Variants in GTF2E1 observed in about 807,000 individuals in gnomAD.
GTF2E1 encodes TFIIE alpha subunit.
In GTF2E1, 14 loss-of-function variants were observed where a neutral mutation model predicts 34.9. The ratio of observed to expected loss-of-function variants is 0.40; its 90% CI spans 0.27 to 0.63. GTF2E1 has a LOEUF of 0.63. Ranked by LOEUF, GTF2E1 falls within the 20% of genes least tolerant of loss-of-function variation. The pLI, the probability that GTF2E1 is intolerant of heterozygous loss-of-function variation, is 0.39. For missense variants in GTF2E1, 469 were observed against 557.7 expected, an observed-to-expected ratio of 0.84 and a Z score of 1.60; for synonymous variants, 188 against 192.9, an observed-to-expected ratio of 0.97 and a Z score of 0.21.
At chr3:120,748,039 A>T (rs1269816855) in intron 1 of GTF2E1, among the ~76,000 whole-genome samples, 1 of 151,538 alleles carries the variant, frequency 6.6e-6, no homozygotes, top group Non-Finnish European at 1.5e-5. Flanking sequence ...TTGGCTGCAT[A>T]AATGTCTTCT....
chr3:120,744,843 T>C (rs1709091911), intron 1 of GTF2E1, among the ~76,000 whole-genome samples: 1 of 152,226 alleles, frequency 6.6e-6, no homozygotes, highest in South Asian at 2.1e-4. Context: ...TGAACTCTTA[T>C]GCCAGCCCTG....
intron 4 of GTF2E1, among the ~76,000 whole-genome samples, chr3:120,780,611 T>G (rs1311560242): frequency 6.6e-6 from 1 of 152,106 alleles, no homozygotes; most frequent in East Asian, 1.9e-4. Flanking sequence ...GGCTTTTACC[T>G]TGAGTGAGAT....
Position 120,783,065 on chromosome 3 carries a change from A to G in GTF2E1, c.*1595A>G, listed in dbSNP as rs1709461240. On this transcript the variant is annotated 3_prime_UTR_variant, in exon 5 of 5. Coordinates refer to ENST00000283875, the MANE Select transcript of GTF2E1 (RefSeq NM_005513.3). The stretch of plus-strand genomic sequence containing the variant: ...AATGTTGACAATAAATCTGTTTTAT[A>G]CTGACTGAAGTTTGTTCATTTTAAG... The G allele has an allele frequency of 6.6e-6, 1 of 152,226 alleles. No individual in the cohort carries two copies. Among genetic ancestry groups the G allele is most frequent in the South Asian group, 2.1e-4 (1 of 4,836 alleles). The allele number at this position is 152,226 out of a possible 1,614,324, so 9.4% of individuals were successfully genotyped here. A position where few individuals can be genotyped will look rare whatever the true frequency, so the allele number is the denominator to read the frequency against.
chr3:120,754,424 A>G (rs1226484208), intron 2 of GTF2E1, among the ~76,000 whole-genome samples: 2 of 152,132 alleles, frequency 1.3e-5, no homozygotes, highest in Non-Finnish European at 2.9e-5. Flanking sequence ...TCCTGTTTCT[A>G]TCTAGTGTTC....
At chr3:120,746,022 C>T (rs1255803916) in intron 1 of GTF2E1, among the ~76,000 whole-genome samples, 3 of 152,096 alleles carry the variant, frequency 2.0e-5, no homozygotes, top group African/African-American at 7.2e-5. Flanking sequence ...TTTCTTTTGA[C>T]TGACTTTTAC....
At chr3:120,753,546 G>C (rs1249939452) in intron 2 of GTF2E1, among the ~76,000 whole-genome samples, 1 of 152,142 alleles carries the variant, frequency 6.6e-6, no homozygotes, top group Non-Finnish European at 1.5e-5. Flanking sequence ...AATTGGATTT[G>C]AAGCCTGCTA....
Position 120,781,221 on chromosome 3 carries a change from G to A in GTF2E1, c.1071G>A (p.Glu357=), listed in dbSNP as rs748094687. Residue 357 remains glutamate (E), a synonymous_variant, in exon 5 of 5, where the codon GAG becomes GAA. Coordinates refer to ENST00000283875, the MANE Select transcript of GTF2E1 (RefSeq NM_005513.3). ...TAANGSDSES[E]TSESDDDSPP... ...CCAATGGCAGTGACTCAGAAAGCGA[G>A]ACCAGTGAGTCAGATGATGATTCTC... The A allele has an allele frequency of 6.2e-7, 1 of 1,614,176 alleles. No homozygotes were observed. Among genetic ancestry groups the A allele is most frequent in the South Asian group, 1.1e-5 (1 of 91,078 alleles).
Position 120,781,498 on chromosome 3 carries a change from T to G in GTF2E1, c.*28T>G. The stretch of plus-strand genomic sequence containing the variant: ...TTTCCCTAATTCTTTCTCCTTTCTC[T>G]AATGCTCAGTTCAAAAAGGAATGTC... On this transcript the variant is annotated 3_prime_UTR_variant, in exon 5 of 5. Coordinates refer to ENST00000283875, the MANE Select transcript of GTF2E1 (RefSeq NM_005513.3). 7.1e-6 allele frequency: 11 copies of G among 1,552,336 alleles called. No individual in the cohort carries two copies. The highest frequency in any genetic ancestry group is 9.8e-6 in the Non-Finnish European group (11 of 1,127,368).
intron 2 of GTF2E1, among the ~76,000 whole-genome samples, chr3:120,768,645 A>C (rs546320425): frequency 5.9e-5 from 9 of 152,292 alleles, no homozygotes; most frequent in African/African-American, 1.9e-4. Flanking sequence ...TTTAAGTCCC[A>C]GTCTCACATT....
At chr3:120,760,903 C>T (rs1249062146) in intron 2 of GTF2E1, among the ~76,000 whole-genome samples, 1 of 152,118 alleles carries the variant, frequency 6.6e-6, no homozygotes, top group Non-Finnish European at 1.5e-5. Context: ...TGTTGTGTCT[C>T]TACCAGGCTT....
chr3:120,764,213 T>C (rs1333446614), intron 2 of GTF2E1, among the ~76,000 whole-genome samples: 3 of 152,176 alleles, frequency 2.0e-5, no homozygotes, highest in Admixed American at 2.0e-4. Context: ...CCTGTAATAC[T>C]TATATACTAT....
intron 2 of GTF2E1, among the ~76,000 whole-genome samples, chr3:120,764,977 C>T (rs754032576): frequency 2.7e-5 from 4 of 148,042 alleles, no homozygotes; most frequent in Non-Finnish European, 6.0e-5. Flanking sequence ...TTTCAAATTT[C>T]GCTGAGCATT....
intron 3 of GTF2E1, among the ~76,000 whole-genome samples, chr3:120,774,527 T>C (rs1709382122): frequency 6.6e-6 from 1 of 151,330 alleles, no homozygotes; most frequent in African/African-American, 2.4e-5. Context: ...ATGGTTAAAT[T>C]GAGATGAACA....
chr3:120,751,511 T>C (rs1360359087), intron 2 of GTF2E1, among the ~76,000 whole-genome samples: 4 of 152,148 alleles, frequency 2.6e-5, no homozygotes, highest in Admixed American at 2.6e-4. Context: ...CTTTCCAAGA[T>C]AAGACATTTA....
At position 120,781,723 on chromosome 3, in the gene GTF2E1, T is replaced by TA; in HGVS notation, c.*253_*254insA. The TA allele has an allele frequency of 2.8e-6, 1 of 351,668 alleles. No individual in the cohort carries two copies. The highest frequency in any genetic ancestry group is 5.2e-6 in the Non-Finnish European group (1 of 192,808). 21.8% of individuals were successfully genotyped at this position (351,668 alleles called of 1,614,324 possible). A position where few individuals can be genotyped will look rare whatever the true frequency, so the allele number is the denominator to read the frequency against. On this transcript the variant is annotated 3_prime_UTR_variant, in exon 5 of 5. Coordinates refer to ENST00000283875, the MANE Select transcript of GTF2E1 (RefSeq NM_005513.3). ...TTACTGTATTTTCTTTTCTTTTTTT[T>TA]TTTTTTTTGGAGATGAAGTCTCACT...
At chr3:120,766,634 C>T (rs1709311480) in intron 2 of GTF2E1, among the ~76,000 whole-genome samples, 1 of 152,086 alleles carries the variant, frequency 6.6e-6, no homozygotes, top group African/African-American at 2.4e-5. Context: ...AAAAGGTTTA[C>T]CTTCTCAATA....
intron 2 of GTF2E1, among the ~76,000 whole-genome samples, chr3:120,756,948 A>C (rs956500327): frequency 1.4e-4 from 21 of 152,294 alleles, no homozygotes; most frequent in South Asian, 6.2e-4. Context: ...AACAAACAAA[A>C]AAAAACAATC....
At chr3:120,761,017 T>A (rs150368237) in intron 2 of GTF2E1, among the ~76,000 whole-genome samples, 1 of 152,370 alleles carries the variant, frequency 6.6e-6, no homozygotes, top group African/African-American at 2.4e-5. Context: ...CTCCTCCTTG[T>A]ACCTTTGGTA....
intron 2 of GTF2E1, among the ~76,000 whole-genome samples, chr3:120,767,760 A>G (rs765778575): frequency 6.4e-4 from 97 of 152,202 alleles, no homozygotes; most frequent in Non-Finnish European, 9.0e-4. Flanking sequence ...TCATACCTGC[A>G]AAATCAGCCC....
Sources: gnomAD v4.1 joint callset for allele counts (sites outside exome capture counted in the v4.1 genomes callset) on GRCh38, gnomAD v4.1.1 for gene constraint, MANE v1.5 for transcripts, NCBI Gene and HGNC (gene_info 2026-07-23, HGNC 2026-07-21) for gene names.